The following UNC5D variants were observed in gnomAD, a reference collection of about 807,000 sequenced individuals.
UNC5D encodes the protein unc-5 netrin receptor D.
UNC5D carries 39 observed loss-of-function variants against 105.4 expected under a neutral mutation model. That is an observed-to-expected ratio of 0.37 (90% CI 0.29 to 0.48). The LOEUF is 0.48. Ranked by LOEUF, UNC5D falls within the 20% of genes least tolerant of loss-of-function variation. UNC5D has a pLI of 0.98. For synonymous variants in UNC5D, 452 were observed against 450.4 expected, an observed-to-expected ratio of 1.00 and a Z score of -0.04; for missense variants, 991 against 1,202.4, an observed-to-expected ratio of 0.82 and a Z score of 2.60.
At chr8:35,759,652 A>G (rs988306173) in intron 14 of UNC5D, among the ~76,000 whole-genome samples, 183 bp downstream of exon 14, 2 of 152,226 alleles carry the variant, frequency 1.3e-5, no homozygotes, top group African/African-American at 4.8e-5. Flanking sequence ...GTCATAAATT[A>G]ACAGCATTCT....
intron 1 of UNC5D, among the ~76,000 whole-genome samples, chr8:35,239,199 C>A (rs1379189790): frequency 6.6e-6 from 1 of 152,120 alleles, no homozygotes; most frequent in Non-Finnish European, 1.5e-5. Context: ...TCCAGATGAC[C>A]TATCGGTGGG....
chr8:35,372,755 G>C (rs1802495694), intron 1 of UNC5D, among the ~76,000 whole-genome samples: 1 of 151,954 alleles, frequency 6.6e-6, no homozygotes, highest in African/African-American at 2.4e-5. Context: ...AGGCAATTGT[G>C]ATCACACCCA....
At chr8:35,291,166 AC>A (rs1400105703) in intron 1 of UNC5D, among the ~76,000 whole-genome samples, 1 of 152,074 alleles carries the variant, frequency 6.6e-6, no homozygotes, top group Non-Finnish European at 1.5e-5. Context: ...AAAAACAACA[AC>A]AAAAACAACA....
chr8:35,669,883 A>G (rs140529578), intron 4 of UNC5D, among the ~76,000 whole-genome samples: 94 of 152,282 alleles, frequency 6.2e-4, no homozygotes, highest in Middle Eastern at 3.4e-3. Flanking sequence ...AAAAGTAGAC[A>G]CTGAGTAGTA....
At chr8:35,441,320 C>T (rs1807382370) in intron 1 of UNC5D, among the ~76,000 whole-genome samples, 1 of 151,898 alleles carries the variant, frequency 6.6e-6, no homozygotes, top group Non-Finnish European at 1.5e-5. Flanking sequence ...ACTTTTATTA[C>T]AGTATTGTTA....
At chr8:35,358,018 A>G (rs1801653536) in intron 1 of UNC5D, among the ~76,000 whole-genome samples, 1 of 152,090 alleles carries the variant, frequency 6.6e-6, no homozygotes, top group South Asian at 2.1e-4. Context: ...ACATCTTCCC[A>G]TATTTATATC....
chr8:35,442,289 T>C lies in UNC5D; in HGVS notation c.104-107003T>C, dbSNP rs547178132. On this transcript the variant is annotated intron_variant, in intron 1 of 16. Transcript: ENST00000404895. ...TGTACCAAATCCTACTACACATGAATATATTTATTGGAAGGAAAGTATGAA... is the reference window on the plus strand; with the variant it reads ...TGTACCAAATCCTACTACACATGAACATATTTATTGGAAGGAAAGTATGAA... Among the ~76,000 whole-genome samples, 16 of 151,994 alleles carry C rather than the reference T, an allele frequency of 1.1e-4. 1 individual carries two copies. Among genetic ancestry groups the C allele is most frequent in the African/African-American group, 3.9e-4 (16 of 41,508 alleles).
At position 35,632,499 on chromosome 8, in the gene UNC5D, C is replaced by G. The variant is rs1378326277; in HGVS notation, c.570+36842C>G. ...GACCTCAAGCCGACCTGATTGTCCTCTGATACAGGTCACTTCTTTTCCAAA... is the reference window on the plus strand; with the variant it reads ...GACCTCAAGCCGACCTGATTGTCCTGTGATACAGGTCACTTCTTTTCCAAA... On this transcript the variant is annotated intron_variant, in intron 4 of 16. Transcript: ENST00000404895. Among the ~76,000 whole-genome samples, 7 of 152,228 alleles carry G rather than the reference C, an allele frequency of 4.6e-5. No individual in the cohort carries two copies. In the East Asian group the frequency reaches 1.3e-3, roughly 29 times the overall value.
At chr8:35,337,843 T>C (rs1811164164) in intron 1 of UNC5D, among the ~76,000 whole-genome samples, 1 of 152,210 alleles carries the variant, frequency 6.6e-6, no homozygotes, top group East Asian at 1.9e-4. Flanking sequence ...TTTTAGTTAT[T>C]ACCATCAAAG....
At chr8:35,431,534 A>C (rs1806637313) in intron 1 of UNC5D, among the ~76,000 whole-genome samples, 1 of 152,174 alleles carries the variant, frequency 6.6e-6, no homozygotes, top group Admixed American at 6.5e-5. Context: ...AATGCTAGAA[A>C]GAAAAATGCG....
At chr8:35,776,436 G>A (rs1802247517) in intron 16 of UNC5D, among the ~76,000 whole-genome samples, 2 of 152,140 alleles carry the variant, frequency 1.3e-5, no homozygotes, top group Admixed American at 1.3e-4. Context: ...AGAACTACAG[G>A]GAGTACCTCC....
intron 1 of UNC5D, chr8:35,544,359 C>A: frequency 6.3e-7 from 1 of 1,580,284 alleles, no homozygotes. Context: ...GGAACGTTTT[C>A]TGCCACAAAT....
At chr8:35,600,015 A>G (rs1403633486) in intron 4 of UNC5D, among the ~76,000 whole-genome samples, 2 of 151,024 alleles carry the variant, frequency 1.3e-5, no homozygotes, top group Non-Finnish European at 2.9e-5. Context: ...ATGTGTTCTC[A>G]TTGTTCAATT....
chr8:35,767,013 C>T lies in UNC5D; in HGVS notation c.2425C>T (p.Arg809Trp), dbSNP rs758380728. The change falls in exon 15 of 17, where the codon CGG becomes TGG. Residue 809 changes from arginine (R) to tryptophan (W), a missense_variant. Physicochemically the swap from Arg to Trp is moderately radical, Grantham distance 101 (BLOSUM62 -3). Coordinates refer to ENST00000404895, the MANE Select transcript of UNC5D (RefSeq NM_080872.4). ...CCAGCTGTCCTGCAAAATCTGCATTCGGCAGCTCAAAGGCCATGAACAGAT... is the reference window on the plus strand; with the variant it reads ...CCAGCTGTCCTGCAAAATCTGCATTTGGCAGCTCAAAGGCCATGAACAGAT... ...TTQLSCKICIRQLKGHEQILQ... is the reference protein window; with the variant it reads ...TTQLSCKICIWQLKGHEQILQ... 3.7e-6 allele frequency: 6 copies of T among 1,614,032 alleles called. No homozygotes were observed. Among genetic ancestry groups the T allele is most frequent in the Non-Finnish European group, 3.4e-6 (4 of 1,179,966 alleles).
intron 1 of UNC5D, among the ~76,000 whole-genome samples, chr8:35,237,500 G>T (rs1563239972): frequency 6.6e-6 from 1 of 152,052 alleles, no homozygotes; most frequent in African/African-American, 2.4e-5. Context: ...CTCACCCTTG[G>T]AATTGGGTTG....
At chr8:35,500,290 G>A (rs1585988181) in intron 1 of UNC5D, among the ~76,000 whole-genome samples, 4 of 152,256 alleles carry the variant, frequency 2.6e-5, no homozygotes, top group Middle Eastern at 3.4e-3. Context: ...ATTATATGGC[G>A]AGAGGGAGAA....
chr8:35,615,261 T>C (rs1466868705), intron 4 of UNC5D, among the ~76,000 whole-genome samples: 1 of 152,108 alleles, frequency 6.6e-6, no homozygotes, highest in Non-Finnish European at 1.5e-5. Context: ...TTGTCTTTGC[T>C]TCCTCTTTTC....
At chr8:35,630,075 C>G (rs1283989428) in intron 4 of UNC5D, among the ~76,000 whole-genome samples, 1 of 152,154 alleles carries the variant, frequency 6.6e-6, no homozygotes, top group Non-Finnish European at 1.5e-5. Flanking sequence ...CTTTGTTTGG[C>G]AAATCTTTTA....
At chr8:35,658,060 A>G (rs6991273) in intron 4 of UNC5D, among the ~76,000 whole-genome samples, 27,361 of 152,152 alleles carry the variant, frequency 0.18, 5,565 homozygotes, top group African/African-American at 0.5. Context: ...GTAAACTAAC[A>G]GATGTATTTT....
Sources: allele counts gnomAD v4.1 joint callset (sites outside exome capture counted in the v4.1 genomes callset), GRCh38; gene constraint gnomAD v4.1.1; transcripts MANE v1.5; gene names NCBI Gene and HGNC (gene_info 2026-07-23, HGNC 2026-07-21).